Variants in TSPAN5 observed in about 807,000 individuals in gnomAD.
TSPAN5 encodes tetraspanin-5.
A neutral mutation model predicts 37.1 loss-of-function variants in TSPAN5; 10 were observed. The ratio of observed to expected loss-of-function variants is 0.27; its 90% CI spans 0.17 to 0.46. TSPAN5 has a LOEUF of 0.46. Among genes scored for constraint, TSPAN5 ranks in the 20% least tolerant of loss-of-function variants. The probability of loss-of-function intolerance (pLI) is 1.00; values close to 1 mark genes in which losing one functional copy is unlikely to be tolerated. For missense variants in TSPAN5, 195 were observed against 326.6 expected, an observed-to-expected ratio of 0.60 and a Z score of 3.11; for synonymous variants, 110 against 118.9, an observed-to-expected ratio of 0.93 and a Z score of 0.48.
intron 1 of TSPAN5, among the ~76,000 whole-genome samples, chr4:98,559,148 A>G (rs1754822212): frequency 6.6e-6 from 1 of 152,150 alleles, no homozygotes; most frequent in Non-Finnish European, 1.5e-5. Context: ...GTATTACTAG[A>G]CAGTAACGAC....
chr4:98,484,618 A>G (rs769948628), intron 3 of TSPAN5: 7 of 452,958 alleles, frequency 1.5e-5, no homozygotes, highest in Non-Finnish European at 3.1e-5. Flanking sequence ...ATGATAAACT[A>G]TATTAAAGGG....
Position 98,657,052 on chromosome 4 carries a change from T to C in TSPAN5, c.81+1094A>G, listed in dbSNP as rs557781059. On this transcript the variant is annotated intron_variant, in intron 1 of 7. Coordinates refer to ENST00000305798, the MANE Select transcript of TSPAN5 (RefSeq NM_005723.4). ...ACCCAGACAGCCACCATCTTTACTT[T>C]CTATGGAAATGCGGGTGCCCACTGA... 1.8e-4 allele frequency among the ~76,000 whole-genome samples: 27 copies of C among 152,252 alleles called. No homozygotes were observed. The South Asian group carries it at 5.6e-3, about 32-fold the overall frequency.
At chr4:98,572,719 C>T (rs1560542709) in intron 1 of TSPAN5, among the ~76,000 whole-genome samples, 1 of 152,226 alleles carries the variant, frequency 6.6e-6, no homozygotes, top group African/African-American at 2.4e-5. Flanking sequence ...AGTGTGCTCC[C>T]CTTTTACCTT....
intron 1 of TSPAN5, among the ~76,000 whole-genome samples, chr4:98,576,766 T>C (rs1178618468): frequency 6.7e-6 from 1 of 149,702 alleles, no homozygotes; most frequent in African/African-American, 2.6e-5. Flanking sequence ...CTTTATTCTG[T>C]TTGTTTGTGT....
intron 1 of TSPAN5, among the ~76,000 whole-genome samples, chr4:98,580,116 G>A (rs1398614478): frequency 6.6e-6 from 1 of 152,136 alleles, no homozygotes; most frequent in Non-Finnish European, 1.5e-5. Flanking sequence ...AGATATGTTA[G>A]TTGAAACCAA....
intron 3 of TSPAN5, 70 bp downstream of exon 3, chr4:98,486,668 G>A: frequency 6.3e-7 from 1 of 1,577,298 alleles, no homozygotes; most frequent in South Asian, 1.1e-5. Flanking sequence ...CTTGCCTGTA[G>A]ATAGGGTGAC....
At chr4:98,532,523 T>C (rs1266453568) in intron 1 of TSPAN5, among the ~76,000 whole-genome samples, 1 of 152,212 alleles carries the variant, frequency 6.6e-6, no homozygotes, top group Non-Finnish European at 1.5e-5. Flanking sequence ...ATGCTTGTGA[T>C]TTTTGTACAT....
intron 3 of TSPAN5, 77 bp from the exon 4 acceptor site, chr4:98,482,252 A>G: frequency 7.3e-7 from 1 of 1,360,882 alleles, no homozygotes; most frequent in Non-Finnish European, 1.0e-6. Context: ...GTTCCTCTCT[A>G]AACAGGTTTG....
At chr4:98,552,809 A>AT (rs1472760203) in intron 1 of TSPAN5, among the ~76,000 whole-genome samples, 4 of 152,216 alleles carry the variant, frequency 2.6e-5, no homozygotes. Context: ...AAGGCAAGAA[A>AT]TGGACAGAGC....
Position 98,658,245 on chromosome 4 carries a change from C to A in TSPAN5, c.-19G>T, listed in dbSNP as rs202075917. The A allele has an allele frequency of 1.9e-5, 31 of 1,609,454 alleles. No homozygotes were observed. The highest frequency in any genetic ancestry group is 2.6e-5 in the Non-Finnish European group (31 of 1,175,904). On this transcript the variant is annotated 5_prime_UTR_variant, in exon 1 of 8. Transcript: ENST00000305798. ...CGGACATCCTCTGGGTTCATGAAGA[C>A]ACTTGCCCCGGCAGCCCGAGTTTGG...
chr4:98,522,133 G>T (rs908168768), intron 1 of TSPAN5, among the ~76,000 whole-genome samples: 4 of 152,218 alleles, frequency 2.6e-5, no homozygotes, highest in African/African-American at 9.7e-5. Flanking sequence ...TGAGCTGAAT[G>T]GTGTTTCCTA....
chr4:98,552,836 G>T (rs1382876901), intron 1 of TSPAN5, among the ~76,000 whole-genome samples: 3 of 152,184 alleles, frequency 2.0e-5, no homozygotes, highest in African/African-American at 7.2e-5. Flanking sequence ...ACATGGTTTG[G>T]TCACTGGATA....
intron 3 of TSPAN5, chr4:98,484,630 C>T (rs1331850899): frequency 2.2e-6 from 1 of 449,670 alleles, no homozygotes; most frequent in East Asian, 7.0e-5. Flanking sequence ...ATTAAAGGGG[C>T]CACCACTATA....
chr4:98,595,161 G>C lies in TSPAN5; in HGVS notation c.81+62985C>G, dbSNP rs1484083596. On this transcript the variant is annotated intron_variant, in intron 1 of 7. Transcript: ENST00000305798. Reference sequence around the variant, plus strand: ...AGAGATTCAACTTCTTCCTGGTTTTGTCTTGGGAGAGTGTATGTGTCAAGG... The same window carrying C: ...AGAGATTCAACTTCTTCCTGGTTTTCTCTTGGGAGAGTGTATGTGTCAAGG... 8.2e-4 allele frequency among the ~76,000 whole-genome samples: 90 copies of C among 109,372 alleles called. 3 individuals carry two copies. The highest frequency in any genetic ancestry group is 1.4e-3 in the Non-Finnish European group (77 of 56,140). The allele number at this position is 109,372 out of a possible 152,430, so 71.8% of individuals were successfully genotyped here. A position where few individuals can be genotyped will look rare whatever the true frequency, so the allele number is the denominator to read the frequency against.
intron 1 of TSPAN5, among the ~76,000 whole-genome samples, chr4:98,592,421 G>GTTTTCTTTT (rs1755661609): frequency 1.0e-5 from 1 of 95,280 alleles, no homozygotes; most frequent in Non-Finnish European, 2.0e-5. Context: ...AGGGATCTCT[G>GTTTTCTTTT]TTTTTTGTTT....
intron 1 of TSPAN5, among the ~76,000 whole-genome samples, chr4:98,562,427 C>T (rs1402022248): frequency 1.3e-5 from 2 of 152,104 alleles, no homozygotes; most frequent in Non-Finnish European, 2.9e-5. Flanking sequence ...CTTTGGGAGG[C>T]CAAGGCAGGC....
intron 1 of TSPAN5, among the ~76,000 whole-genome samples, chr4:98,649,635 C>T (rs557996081): frequency 1.3e-5 from 2 of 152,260 alleles, no homozygotes; most frequent in South Asian, 4.1e-4. Context: ...TACTGGATAA[C>T]AACTTTGCAG....
intron 1 of TSPAN5, among the ~76,000 whole-genome samples, chr4:98,575,758 G>GC (rs959240132): frequency 4.4e-5 from 5 of 113,014 alleles, no homozygotes; most frequent in South Asian, 7.4e-4. Context: ...ATCCATCTGC[G>GC]CCCCCCACCC....
intron 1 of TSPAN5, among the ~76,000 whole-genome samples, chr4:98,613,288 A>G (rs960029546): frequency 6.6e-6 from 1 of 152,180 alleles, no homozygotes; most frequent in East Asian, 1.9e-4. Flanking sequence ...TAATGCTACA[A>G]TTTCTGATAA....
Sources: gnomAD v4.1 joint callset for allele counts (sites outside exome capture counted in the v4.1 genomes callset) on GRCh38, gnomAD v4.1.1 for gene constraint, MANE v1.5 for transcripts, NCBI Gene and HGNC (gene_info 2026-07-23, HGNC 2026-07-21) for gene names.